Variants in SCUBE1 observed in about 807,000 individuals in gnomAD.
SCUBE1 encodes the protein signal peptide, CUB domain and EGF like domain containing 1, also known as signal peptide, CUB and EGF-like domain-containing protein 1.
Under a neutral mutation model 124.4 loss-of-function variants are expected in SCUBE1, and 59 were observed. That is an observed-to-expected ratio of 0.47 (90% CI 0.38 to 0.59). The LOEUF is 0.59. SCUBE1 is among the 20% of genes least tolerant of loss of function. The probability of loss-of-function intolerance (pLI) is 0.00; values close to 1 mark genes in which losing one functional copy is unlikely to be tolerated. For synonymous variants in SCUBE1, 545 were observed against 550.9 expected (o/e 0.99, Z 0.15); for missense variants, 1,150 against 1,371.2 (o/e 0.84, Z 2.55).
chr22:43,324,865 T>A (rs1926671247), intron 2 of SCUBE1, among the ~76,000 whole-genome samples: 1 of 150,474 alleles, frequency 6.6e-6, no homozygotes, highest in African/African-American at 2.5e-5. Context: ...CAAAAAGATA[T>A]GTTGAGGTCC....
intron 9 of SCUBE1, 90 bp from the exon 10 acceptor site, chr22:43,227,586 T>G: frequency 6.6e-7 from 1 of 1,519,082 alleles, no homozygotes; most frequent in South Asian, 1.2e-5. Context: ...AGGGCAAGAA[T>G]CTCCTGACCC....
chr22:43,262,634 A>G (rs1923913649), intron 5 of SCUBE1, 86 bp downstream of exon 5: 18 of 1,545,052 alleles, frequency 1.2e-5, no homozygotes, highest in African/African-American at 2.7e-5. Flanking sequence ...CTCCCTGGCC[A>G]AAGTCCAGCA....
At chr22:43,335,496 G>A (rs1378590659) in intron 2 of SCUBE1, among the ~76,000 whole-genome samples, 1 of 152,118 alleles carries the variant, frequency 6.6e-6, no homozygotes, top group African/African-American at 2.4e-5. Flanking sequence ...CCTAACAATT[G>A]TTCTCATACT....
At chr22:43,266,637 TC>T (rs1924077994) in intron 4 of SCUBE1, among the ~76,000 whole-genome samples, 1 of 152,146 alleles carries the variant, frequency 6.6e-6, no homozygotes, top group South Asian at 2.1e-4. Context: ...GCCACTGGGC[TC>T]CCAGCCTAAG....
At chr22:43,251,869 C>A (rs1025964696) in intron 6 of SCUBE1, among the ~76,000 whole-genome samples, 6 of 152,212 alleles carry the variant, frequency 3.9e-5, no homozygotes, top group African/African-American at 1.4e-4. Flanking sequence ...GGGAGAGGGG[C>A]TTGATTGAAG....
rs778624953 is a variant in SCUBE1, at chr22:43,222,628, G to T, written c.1432+10C>A. 7 of 1,424,284 alleles carry T rather than the reference G, an allele frequency of 4.9e-6. No homozygotes were observed. In the East Asian group the frequency reaches 1.5e-4, roughly 31 times the overall value. The allele number at this position is 1,424,284 out of a possible 1,614,324, so 88.2% of individuals were successfully genotyped here. On this transcript the variant is annotated intron_variant, in intron 12 of 21. Transcript: ENST00000360835. ...AGTGGCATGCAGCATGGACAGGCCG[G>T]GGGGGTTACCTGAGCAGCTGGGCCC...
At chr22:43,220,622 C>T (rs187168598) in intron 13 of SCUBE1, 35 bp from the exon 14 acceptor site, 47 of 1,606,934 alleles carry the variant, frequency 2.9e-5, no homozygotes, top group Non-Finnish European at 8.5e-7. Context: ...GCAAAGGCGG[C>T]ATGGGGCAGG....
chr22:43,314,742 G>T (rs1334366464), intron 3 of SCUBE1, among the ~76,000 whole-genome samples: 1 of 152,180 alleles, frequency 6.6e-6, no homozygotes, highest in East Asian at 1.9e-4. Flanking sequence ...GGAGCCGAGG[G>T]TGGGAAGGGC....
At chr22:43,280,378 G>GTCCCCTCACCCATCCCCCTGTCCCT (rs1924720433) in intron 4 of SCUBE1, among the ~76,000 whole-genome samples, 7 of 144,208 alleles carry the variant, frequency 4.9e-5, no homozygotes, top group African/African-American at 1.9e-4. Flanking sequence ...GTCTCTCACC[G>GTCCCCTCACCCATCCCCCTGTCCCT]TCCCCTCACC....
chr22:43,206,182 A>C (rs1601791612), intron 21 of SCUBE1, among the ~76,000 whole-genome samples: 1 of 58,090 alleles, frequency 1.7e-5, no homozygotes, highest in African/African-American at 7.0e-5. Flanking sequence ...CACACCCACC[A>C]CACCCCCACT....
At position 43,343,222 on chromosome 22, in the gene SCUBE1, G is replaced by A; in HGVS notation, c.40C>T (p.Leu14=). The change falls in exon 1 of 22, where the codon CTG becomes TTG. Residue 14 remains leucine (L), a synonymous_variant. Transcript: ENST00000360835. The part of the protein sequence containing the change: ...AAVRWHLCVL[L]ALGTRGRLAG... ...AGCCGCCCGCGTGTGCCCAGGGCCA[G>A]CAGCACGCACAAGTGCCAGCGCACG... 8.2e-7 allele frequency: 1 copy of A among 1,216,060 alleles called. No individual in the cohort carries two copies. Among genetic ancestry groups the A allele is most frequent in the Non-Finnish European group, 1.0e-6 (1 of 970,302 alleles). 75.3% of individuals were successfully genotyped at this position (1,216,060 alleles called of 1,614,324 possible).
intron 21 of SCUBE1, 41 bp from the exon 22 acceptor site, chr22:43,204,190 C>T: frequency 1.2e-6 from 2 of 1,601,474 alleles, no homozygotes; most frequent in African/African-American, 1.3e-5. Context: ...AGGCTTGGGG[C>T]CTGTAGGGTC....
At chr22:43,329,710 C>CATCT (rs936377355) in intron 2 of SCUBE1, among the ~76,000 whole-genome samples, 3 of 152,212 alleles carry the variant, frequency 2.0e-5, no homozygotes, top group Non-Finnish European at 4.4e-5. Flanking sequence ...AGCCCTGGCC[C>CATCT]ATCTGGAAGC....
intron 3 of SCUBE1, among the ~76,000 whole-genome samples, chr22:43,300,811 G>A (rs1424105284): frequency 2.6e-5 from 4 of 151,786 alleles, no homozygotes; most frequent in African/African-American, 4.8e-5. Context: ...GGGAGATTTC[G>A]CACTGTCCCT....
intron 3 of SCUBE1, among the ~76,000 whole-genome samples, chr22:43,294,032 T>C (rs1204954457): frequency 2.0e-5 from 3 of 151,892 alleles, no homozygotes; most frequent in African/African-American, 7.3e-5. Flanking sequence ...TTTACTCTAC[T>C]AGGGAACAAT....
chr22:43,221,801 C>T (rs999190728), intron 12 of SCUBE1, among the ~76,000 whole-genome samples: 4 of 152,294 alleles, frequency 2.6e-5, no homozygotes, highest in Non-Finnish European at 1.5e-5. Context: ...CGGTGGCTCA[C>T]GCCTGTAATC....
chr22:43,300,087 T>C (rs781411878), intron 3 of SCUBE1, among the ~76,000 whole-genome samples: 2 of 152,174 alleles, frequency 1.3e-5, no homozygotes, highest in Non-Finnish European at 2.9e-5. Context: ...TGCTGAACAC[T>C]GTGTGTAAGT....
At chr22:43,240,078 G>A (rs921815882) in intron 6 of SCUBE1, among the ~76,000 whole-genome samples, 7 of 152,122 alleles carry the variant, frequency 4.6e-5, no homozygotes, top group Admixed American at 3.3e-4. Context: ...GGCGTGTGCA[G>A]GGGGAGAGGG....
chr22:43,238,670 C>A (rs1389990639), intron 7 of SCUBE1, 168 bp downstream of exon 7: 1 of 700,426 alleles, frequency 1.4e-6, no homozygotes, highest in Non-Finnish European at 2.7e-6. Flanking sequence ...GCCAGCCCTC[C>A]CTCTTCCTGG....
Sources: allele counts gnomAD v4.1 joint callset (sites outside exome capture counted in the v4.1 genomes callset), GRCh38; gene constraint gnomAD v4.1.1; transcripts MANE v1.5; gene names NCBI Gene and HGNC (gene_info 2026-07-23, HGNC 2026-07-21).